The following TENM1 variants were observed in gnomAD, a reference collection of about 807,000 sequenced individuals.
TENM1 encodes the protein teneurin transmembrane protein 1.
In TENM1, 35 loss-of-function variants were observed where a neutral mutation model predicts 174.8. The ratio of observed to expected loss-of-function variants is 0.20; its 90% CI spans 0.15 to 0.27. The LOEUF is 0.27. Ranked by LOEUF, TENM1 falls within the 10% of genes least tolerant of loss-of-function variation. The pLI is 1.00. For synonymous variants in TENM1, 781 were observed against 798.7 expected, an observed-to-expected ratio of 0.98 and a Z score of 0.37; for missense variants, 1,633 against 2,130.1, an observed-to-expected ratio of 0.77 and a Z score of 4.59.
In TENM1 at chrX:124,754,988, T is replaced by C. The variant is rs1362134307; in HGVS notation, c.536-17791A>G. Among the ~76,000 whole-genome samples, 3 of 103,664 alleles carry C rather than the reference T, an allele frequency of 2.9e-5. 1 individual carries two copies. Among genetic ancestry groups the C allele is most frequent in the African/African-American group, 1.2e-4 (3 of 25,866 alleles). The allele number at this position is 103,664 out of a possible 115,157, so 90.0% of individuals were successfully genotyped here. A position where few individuals can be genotyped will look rare whatever the true frequency, so the allele number is the denominator to read the frequency against. On this transcript the variant is annotated intron_variant, in intron 3 of 31. Transcript: ENST00000422452. ...TGTTGATTTGGGGTGGAGAGTTCTG[T>C]AGATGTCTATTAGGTCCGCTTGGTG...
chrX:124,544,888 G>A (rs1250888471), intron 15 of TENM1, among the ~76,000 whole-genome samples: 1 of 111,877 alleles, frequency 8.9e-6, no homozygotes, highest in African/African-American at 3.2e-5. Flanking sequence ...CTACTTTACA[G>A]GGATAATGTG....
chrX:125,177,697 T>C, the TENM1 span, among the ~76,000 whole-genome samples: 1 of 111,685 alleles, frequency 9.0e-6, no homozygotes, highest in South Asian at 3.7e-4. Context: ...GTTAGCAATA[T>C]CATGGGGCTG....
chrX:124,463,009 T>C (rs746131311), intron 22 of TENM1, among the ~76,000 whole-genome samples: 1 of 111,823 alleles, frequency 8.9e-6, no homozygotes, highest in African/African-American at 3.3e-5. Context: ...CAAAGGACCA[T>C]GGATCAAATT....
intron 3 of TENM1, among the ~76,000 whole-genome samples, chrX:124,791,692 C>T (rs2055183720): frequency 8.9e-6 from 1 of 111,810 alleles, no homozygotes; most frequent in Non-Finnish European, 1.9e-5. Flanking sequence ...GACTCTTCTA[C>T]ATGCAGTCAC....
At chrX:124,891,544 A>C (rs2057476444) in intron 3 of TENM1, among the ~76,000 whole-genome samples, 1 of 109,900 alleles carries the variant, frequency 9.1e-6, no homozygotes, top group African/African-American at 3.3e-5. Context: ...CTGTAGTCCC[A>C]GTTACTTGGG....
intron 3 of TENM1, among the ~76,000 whole-genome samples, chrX:124,749,659 C>G (rs1469305916): frequency 3.6e-5 from 4 of 111,801 alleles, no homozygotes; most frequent in Non-Finnish European, 7.5e-5. Flanking sequence ...TACCACCTAA[C>G]AAACGATGAC....
chrX:124,940,558 C>T (rs1289441793), intron 1 of TENM1, among the ~76,000 whole-genome samples: 1 of 111,294 alleles, frequency 9.0e-6, no homozygotes, highest in East Asian at 2.8e-4. Flanking sequence ...GACTTTCTGT[C>T]ACTTACAACC....
intron 14 of TENM1, among the ~76,000 whole-genome samples, chrX:124,550,457 T>G (rs1478993928): frequency 1.8e-5 from 2 of 112,162 alleles, no homozygotes; most frequent in Non-Finnish European, 3.8e-5. Flanking sequence ...TACATCCACG[T>G]ATATTATCTC....
intron 23 of TENM1, among the ~76,000 whole-genome samples, chrX:124,434,641 C>T (rs763948969): frequency 1.8e-5 from 2 of 112,625 alleles, no homozygotes; most frequent in Non-Finnish European, 3.7e-5. Flanking sequence ...TGTGAATACA[C>T]AGAATGTTTA....
the TENM1 span, among the ~76,000 whole-genome samples, chrX:125,176,086 G>A: frequency 3.6e-5 from 4 of 111,280 alleles, no homozygotes; most frequent in Non-Finnish European, 7.6e-5. Context: ...TTTACTAGAG[G>A]AAAAACACTG....
chrX:124,907,473 G>A (rs1031291146), intron 1 of TENM1, among the ~76,000 whole-genome samples: 2 of 111,676 alleles, frequency 1.8e-5, no homozygotes, highest in Non-Finnish European at 3.8e-5. Context: ...CAATGATATC[G>A]GTGACACATT....
the TENM1 span, among the ~76,000 whole-genome samples, chrX:125,137,376 T>A: frequency 9.1e-6 from 1 of 109,635 alleles, no homozygotes; most frequent in South Asian, 3.9e-4. Flanking sequence ...CATTTTAAAA[T>A]GAGGCCCAGT....
chrX:124,524,771 A>G (rs1240758471), intron 16 of TENM1, among the ~76,000 whole-genome samples: 1 of 95,482 alleles, frequency 1.0e-5, no homozygotes, highest in Non-Finnish European at 2.0e-5. Context: ...TTCAGATTTC[A>G]TTTCATTCTG....
Position 124,422,256 on chromosome X carries a change from G to A in TENM1, c.4471+16C>T. The A allele has an allele frequency of 8.4e-7, 1 of 1,192,956 alleles. No individual in the cohort carries two copies. The highest frequency in any genetic ancestry group is 1.1e-6 in the Non-Finnish European group (1 of 884,828). ...AACAGAGAGGGGAAGCTGGTGAATT[G>A]CTAAAAAGGTCATACCTGAAAAACA... On this transcript the variant is annotated intron_variant, in intron 24 of 31. Coordinates refer to ENST00000422452, the Ensembl canonical transcript of TENM1.
chrX:124,903,658 AGTTACCACTACAAT>A (rs1167555284), intron 1 of TENM1, among the ~76,000 whole-genome samples: 2 of 112,274 alleles, frequency 1.8e-5, no homozygotes, highest in African/African-American at 6.5e-5. Context: ...CTAACTCAGC[AGTTACCACTACAAT>A]GACAAAAATT....
intron 1 of TENM1, among the ~76,000 whole-genome samples, chrX:124,921,045 G>A (rs1213143982): frequency 1.1e-4 from 10 of 91,511 alleles, no homozygotes; most frequent in Non-Finnish European, 2.1e-4. Flanking sequence ...TAAATCTCAC[G>A]CCCCTCTTTT....
chrX:124,530,018 T>C (rs2048070214), intron 15 of TENM1, 35 bp from the exon 19 acceptor site: 1 of 1,189,553 alleles, frequency 8.4e-7, no homozygotes, highest in Middle Eastern at 2.3e-4. Flanking sequence ...CAGAAAAGCA[T>C]GTTGAGACTA....
intron 11 of TENM1, among the ~76,000 whole-genome samples, chrX:124,629,663 A>G (rs780457777): frequency 8.9e-5 from 10 of 112,421 alleles, no homozygotes; most frequent in Non-Finnish European, 1.7e-4. Flanking sequence ...CAGAGAATCC[A>G]AGCAACTTAC....
the TENM1 span, among the ~76,000 whole-genome samples, chrX:125,110,376 G>A: frequency 9.0e-6 from 1 of 111,549 alleles, no homozygotes; most frequent in Non-Finnish European, 1.9e-5. Flanking sequence ...GCCAGTTTCT[G>A]TGATTTCCTT....
Sources: gnomAD v4.1 joint callset for allele counts (sites outside exome capture counted in the v4.1 genomes callset) on GRCh38, gnomAD v4.1.1 for gene constraint, MANE v1.5 for transcripts, NCBI Gene and HGNC (gene_info 2026-07-23, HGNC 2026-07-21) for gene names.